The following TMC1 variants were observed in gnomAD, a reference collection of about 807,000 sequenced individuals.
TMC1 encodes the protein transmembrane channel-like protein 1.
Under a neutral mutation model 105.8 loss-of-function variants are expected in TMC1, and 84 were observed. The observed-to-expected ratio is 0.79, with a 90% CI of 0.67 to 0.95. The LOEUF is 0.95. Among genes scored for constraint, TMC1 ranks in the 40% least tolerant of loss-of-function variants. TMC1 has a pLI of 0.00. For synonymous variants in TMC1, 315 were observed against 311.5 expected, an observed-to-expected ratio of 1.01 and a Z score of -0.12; for missense variants, 817 against 914.1, an observed-to-expected ratio of 0.89 and a Z score of 1.37.
intron 2 of TMC1, among the ~76,000 whole-genome samples, chr9:72,615,817 G>T (rs565704479): frequency 1.0e-4 from 15 of 150,360 alleles, no homozygotes; most frequent in African/African-American, 3.7e-4. Context: ...TCAATGGCAC[G>T]ATCTTGGCTC....
At chr9:72,650,381 C>A (rs1173055333) in intron 5 of TMC1, among the ~76,000 whole-genome samples, 1 of 152,116 alleles carries the variant, frequency 6.6e-6, no homozygotes, top group African/African-American at 2.4e-5. Context: ...TATTATGTGC[C>A]AGGTTCTGTA....
chr9:72,751,773 G>A, intron 10 of TMC1, 77 bp from the exon 11 acceptor site: 1 of 914,256 alleles, frequency 1.1e-6, no homozygotes, highest in Non-Finnish European at 1.8e-6. Context: ...TCATTTTGAA[G>A]GCAACCAAGA....
At chr9:72,670,528 A>G (rs1439954747) in intron 5 of TMC1, among the ~76,000 whole-genome samples, 1 of 152,206 alleles carries the variant, frequency 6.6e-6, no homozygotes, top group African/African-American at 2.4e-5. Context: ...TACCATGAAT[A>G]TAAAGAAGCA....
At chr9:72,734,555 T>C (rs1012671630) in intron 8 of TMC1, among the ~76,000 whole-genome samples, 2 of 151,960 alleles carry the variant, frequency 1.3e-5, no homozygotes, top group Non-Finnish European at 2.9e-5. Flanking sequence ...AGGAGGCCTC[T>C]AGTTCTTATT....
At chr9:72,784,403 ATTG>A in intron 13 of TMC1, among the ~76,000 whole-genome samples, 1 of 141,266 alleles carries the variant, frequency 7.1e-6, no homozygotes, top group Non-Finnish European at 1.5e-5. Context: ...CAAAATGACT[ATTG>A]TTAAAAACAA....
intron 2 of TMC1, among the ~76,000 whole-genome samples, chr9:72,613,826 CTG>C (rs932726866): frequency 1.3e-5 from 2 of 151,930 alleles, no homozygotes; most frequent in Non-Finnish European, 2.9e-5. Flanking sequence ...TTGAGAGAGA[CTG>C]GGGACATTTT....
At chr9:72,523,633 G>A (rs1269432727) in intron 1 of TMC1, among the ~76,000 whole-genome samples, 3 of 149,630 alleles carry the variant, frequency 2.0e-5, no homozygotes, top group Admixed American at 2.0e-4. Context: ...AAGGAGGAGG[G>A]GGAGAGAGAA....
chr9:72,615,851 T>G (rs1825117455), intron 2 of TMC1, among the ~76,000 whole-genome samples: 1 of 151,952 alleles, frequency 6.6e-6, no homozygotes, highest in South Asian at 2.1e-4. Flanking sequence ...CCTCCCGGGT[T>G]TAAGCAATTC....
intron 13 of TMC1, among the ~76,000 whole-genome samples, chr9:72,775,577 A>G (rs1221295422): frequency 2.6e-5 from 4 of 152,222 alleles, no homozygotes; most frequent in Non-Finnish European, 5.9e-5. Context: ...CATTTTGAGA[A>G]TGCATGTCTT....
intron 2 of TMC1, among the ~76,000 whole-genome samples, chr9:72,578,752 CAT>C: frequency 6.6e-6 from 1 of 152,208 alleles, no homozygotes. Flanking sequence ...AGTTATAATA[CAT>C]GTCATTTTTC....
chr9:72,648,058 A>G (rs762710646), intron 4 of TMC1, among the ~76,000 whole-genome samples: 17 of 152,224 alleles, frequency 1.1e-4, no homozygotes, highest in Non-Finnish European at 2.2e-4. Context: ...CTTTCAGAAA[A>G]GTTGAGAAAA....
At chr9:72,572,201 A>T (rs1326344574) in intron 1 of TMC1, among the ~76,000 whole-genome samples, 1 of 134,896 alleles carries the variant, frequency 7.4e-6, no homozygotes, top group East Asian at 2.2e-4. Context: ...TTATTTTTTG[A>T]TTTTTTTTTT....
intron 8 of TMC1, among the ~76,000 whole-genome samples, chr9:72,726,222 A>G (rs562432929): frequency 2.4e-4 from 36 of 152,308 alleles, no homozygotes; most frequent in African/African-American, 8.4e-4. Flanking sequence ...ACTTATTTCA[A>G]ATAGTTGTAT....
intron 8 of TMC1, among the ~76,000 whole-genome samples, chr9:72,727,175 C>T (rs1354783352): frequency 6.6e-6 from 1 of 152,190 alleles, no homozygotes; most frequent in Non-Finnish European, 1.5e-5. Flanking sequence ...ATTCTATTAG[C>T]TCTTTAACAT....
Position 72,788,477 on chromosome 9 carries a change from C to A in TMC1, c.1023C>A (p.Asn341Lys). The A allele has an allele frequency of 6.2e-7, 1 of 1,613,962 alleles. No homozygotes were observed. Among genetic ancestry groups the A allele is most frequent in the Non-Finnish European group, 8.5e-7 (1 of 1,179,866 alleles). Residue 341 changes from asparagine to lysine, a missense_variant, in exon 14 of 24, where the codon AAC becomes AAA. Coordinates refer to ENST00000297784, the MANE Select transcript of TMC1 (RefSeq NM_138691.3). ...ADNKFNSITM[N>K]FKEAITEEKA... is the part of the protein sequence containing the mutation. ...ACAAATTTAATTCTATCACAATGAA[C>A]TTTAAGGTAGAGGCACCAACTTCAA...
At chr9:72,540,142 A>G (rs1487506650) in intron 1 of TMC1, among the ~76,000 whole-genome samples, 2 of 152,214 alleles carry the variant, frequency 1.3e-5, no homozygotes, top group African/African-American at 4.8e-5. Context: ...ATCCACCCAC[A>G]TAACACACAC....
chr9:72,774,971 A>G (rs934423250), intron 13 of TMC1, among the ~76,000 whole-genome samples: 1 of 152,178 alleles, frequency 6.6e-6, no homozygotes, highest in Admixed American at 6.5e-5. Flanking sequence ...TTTTCACTGT[A>G]CTCATTCTGT....
chr9:72,810,362 A>G (rs1362865983), intron 18 of TMC1, among the ~76,000 whole-genome samples: 1 of 152,186 alleles, frequency 6.6e-6, no homozygotes, highest in African/African-American at 2.4e-5. Flanking sequence ...ATGCATGTGC[A>G]TGTATACACA....
chr9:72,581,128 C>A (rs1160320003), intron 2 of TMC1, among the ~76,000 whole-genome samples: 1 of 152,112 alleles, frequency 6.6e-6, no homozygotes, highest in Non-Finnish European at 1.5e-5. Flanking sequence ...TACTTTAGCC[C>A]CATAAATAAT....
Sources: allele counts gnomAD v4.1 joint callset (sites outside exome capture counted in the v4.1 genomes callset), GRCh38; gene constraint gnomAD v4.1.1; transcripts MANE v1.5; gene names NCBI Gene and HGNC (gene_info 2026-07-23, HGNC 2026-07-21).